The following HEATR4 variants were observed in gnomAD, a reference collection of about 807,000 sequenced individuals.
HEATR4 encodes HEAT repeat containing 4.
Under a neutral mutation model 108.8 loss-of-function variants are expected in HEATR4, and 95 were observed. The ratio of observed to expected loss-of-function variants is 0.87; its 90% CI spans 0.74 to 1.04. The LOEUF (loss-of-function observed/expected upper bound fraction) is 1.04, where lower values mean the gene tolerates loss of function less well. HEATR4 is among the 50% of genes least tolerant of loss of function. HEATR4 has a pLI of 0.00. For synonymous variants in HEATR4, 443 were observed against 459.4 expected (o/e 0.96, Z 0.46); for missense variants, 1,152 against 1,253.8 (o/e 0.92, Z 1.23).
the HEATR4 span, among the ~76,000 whole-genome samples, chr14:73,622,979 G>A: frequency 3.3e-5 from 5 of 151,634 alleles, no homozygotes; most frequent in Non-Finnish European, 5.9e-5. Flanking sequence ...GTGCAACTTC[G>A]GCTCACTGCA....
At chr14:73,576,919 ATTC>A in the HEATR4 span, among the ~76,000 whole-genome samples, 1 of 127,392 alleles carries the variant, frequency 7.8e-6, no homozygotes, top group African/African-American at 2.8e-5. Flanking sequence ...TTAATTTATT[ATTC>A]TTTTCTTTTC....
chr14:73,528,658 TTGAGTC>T (rs1739069533), intron 2 of HEATR4, among the ~76,000 whole-genome samples: 1 of 152,172 alleles, frequency 6.6e-6, no homozygotes, highest in African/African-American at 2.4e-5. Context: ...AATCTGAAAA[TTGAGTC>T]TGATACCTGT....
At position 73,522,607 on chromosome 14, in the gene HEATR4, A is replaced by C. The variant is rs1362426777; in HGVS notation, c.546T>G (p.Asp182Glu). 6.2e-7 allele frequency: 1 copy of C among 1,614,072 alleles called. No homozygotes were observed. Among genetic ancestry groups the C allele is most frequent in the East Asian group, 2.2e-5 (1 of 44,888 alleles). ...PDMLGRPPSL[D>E]VNLEEREAWL... ...AGGCTTCTCTTTCCTCCAGGTTCAC[A>C]TCTAGAGAAGGTGGCCGACCCAGCA... Residue 182 changes from aspartate (D) to glutamate (E), a missense_variant, in exon 3 of 18, where the codon GAT becomes GAG. Coordinates refer to ENST00000553558, the MANE Select transcript of HEATR4 (RefSeq NM_001220484.1).
chr14:73,588,569 G>A, the HEATR4 span, among the ~76,000 whole-genome samples: 2 of 152,270 alleles, frequency 1.3e-5, no homozygotes, highest in East Asian at 3.9e-4. Flanking sequence ...GAGAAAATAT[G>A]TGACTTGGAC....
chr14:73,614,437 C>G, the HEATR4 span, among the ~76,000 whole-genome samples: 1 of 151,952 alleles, frequency 6.6e-6, no homozygotes, highest in East Asian at 1.9e-4. Flanking sequence ...ATAGTAGGAG[C>G]TCAATAAATC....
the HEATR4 span, chr14:73,612,789 C>T: frequency 2.2e-6 from 3 of 1,364,872 alleles, no homozygotes; most frequent in Non-Finnish European, 2.8e-6. Context: ...GGCAGCTTCG[C>T]GGGGCTCCAG....
At chr14:73,589,139 TAC>T in the HEATR4 span, among the ~76,000 whole-genome samples, 10,256 of 152,170 alleles carry the variant, frequency 0.067, 785 homozygotes, top group African/African-American at 0.19. Context: ...GTTCTACATC[TAC>T]AGTTTTGGAC....
At chr14:73,571,713 G>T in the HEATR4 span, 4 of 151,906 alleles carry the variant, frequency 2.6e-5, no homozygotes, top group African/African-American at 9.7e-5. Flanking sequence ...CGGGGCACTG[G>T]GGTTTCTCGG....
At chr14:73,589,845 G>A in the HEATR4 span, among the ~76,000 whole-genome samples, 1 of 152,102 alleles carries the variant, frequency 6.6e-6, no homozygotes, top group Non-Finnish European at 1.5e-5. Flanking sequence ...GTTCCTTCTG[G>A]TGGGTTCGTG....
chr14:73,502,169 C>G (rs1886513517), intron 11 of HEATR4, among the ~76,000 whole-genome samples: 1 of 151,512 alleles, frequency 6.6e-6, no homozygotes, highest in South Asian at 2.1e-4. Flanking sequence ...ATTGGGATTA[C>G]AGGCGTGTGC....
At position 73,504,433 on chromosome 14, in the gene HEATR4, A is replaced by G. The variant is rs184378557; in HGVS notation, c.1987-1420T>C. Among the ~76,000 whole-genome samples, 355 of 152,034 alleles carry G rather than the reference A, an allele frequency of 2.3e-3. 1 individual carries two copies. Among genetic ancestry groups the G allele is most frequent in the Admixed American group, 4.6e-3 (70 of 15,262 alleles). On this transcript the variant is annotated intron_variant, in intron 10 of 17. Coordinates refer to ENST00000553558, the MANE Select transcript of HEATR4 (RefSeq NM_001220484.1). ...AATTTTTTTTATTTTTAGTAGAGAC[A>G]GGGTTTCACCGTGTTAGCCAGGATG...
chr14:73,560,673 A>G (rs1006685022), upstream of HEATR4, among the ~76,000 whole-genome samples: 1 of 151,402 alleles, frequency 6.6e-6, no homozygotes, highest in Non-Finnish European at 1.5e-5. Flanking sequence ...AAAAAAAAAA[A>G]AAAGAAAATT....
chr14:73,600,430 G>C, the HEATR4 span, among the ~76,000 whole-genome samples: 1 of 152,018 alleles, frequency 6.6e-6, no homozygotes, highest in Non-Finnish European at 1.5e-5. Flanking sequence ...AGTGGAACTG[G>C]AATTATTCTT....
the HEATR4 span, among the ~76,000 whole-genome samples, chr14:73,601,011 C>T: frequency 1.3e-5 from 2 of 151,310 alleles, no homozygotes; most frequent in East Asian, 2.0e-4. Flanking sequence ...TGTGGTGGTG[C>T]GTGCCTGTAA....
the HEATR4 span, among the ~76,000 whole-genome samples, chr14:73,609,424 T>C: frequency 0.62 from 94,625 of 151,870 alleles, 31,260 homozygotes; most frequent in East Asian, 0.94. Flanking sequence ...GGGCCAGTAG[T>C]CTAAAAGTAT....
intron 1 of HEATR4, 200 bp from the exon 2 acceptor site, chr14:73,530,444 A>AGT (rs1309351206): frequency 7.7e-6 from 1 of 129,904 alleles, no homozygotes; most frequent in Non-Finnish European, 1.7e-5. Flanking sequence ...TAGTGGGGAG[A>AGT]GTGGGATTAG....
chr14:73,612,600 C>T, the HEATR4 span: 2 of 1,412,342 alleles, frequency 1.4e-6, no homozygotes, highest in African/African-American at 1.5e-5. Context: ...CTGGAGCCCG[C>T]GGGCCGCTGC....
chr14:73,578,647 T>C, the HEATR4 span, among the ~76,000 whole-genome samples: 1 of 152,006 alleles, frequency 6.6e-6, no homozygotes, highest in Non-Finnish European at 1.5e-5. Context: ...CCATAATGAT[T>C]GATTGATTGA....
At chr14:73,619,550 A>T in the HEATR4 span, 1 of 1,614,226 alleles carries the variant, frequency 6.2e-7, no homozygotes, top group Non-Finnish European at 8.5e-7. Context: ...GGCATGGATG[A>T]TCAAAGCTGG....
Sources: allele counts gnomAD v4.1 joint callset (sites outside exome capture counted in the v4.1 genomes callset), GRCh38; gene constraint gnomAD v4.1.1; transcripts MANE v1.5; gene names NCBI Gene and HGNC (gene_info 2026-07-23, HGNC 2026-07-21).